Variants in NFASC observed in about 807,000 individuals in gnomAD.
NFASC encodes the protein neurofascin homolog.
In NFASC, 43 loss-of-function variants were observed where a neutral mutation model predicts 147.5. That is an observed-to-expected ratio of 0.29 (90% CI 0.23 to 0.38). The LOEUF (loss-of-function observed/expected upper bound fraction) is 0.38. NFASC is among the 10% of genes least tolerant of loss of function. NFASC has a pLI of 1.00. For missense variants in NFASC, 1,320 were observed against 1,689.0 expected, an observed-to-expected ratio of 0.78 and a Z score of 3.83; for synonymous variants, 622 against 665.5, an observed-to-expected ratio of 0.93 and a Z score of 1.01.
chr1:204,887,091 C>T (rs558662450), intron 1 of NFASC, among the ~76,000 whole-genome samples: 1 of 152,220 alleles, frequency 6.6e-6, no homozygotes, highest in South Asian at 2.1e-4. Flanking sequence ...TGCCGCCATC[C>T]ATCTCCAGAA....
At chr1:204,941,779 A>G (rs533214294) in intron 2 of NFASC, among the ~76,000 whole-genome samples, 1 of 151,844 alleles carries the variant, frequency 6.6e-6, no homozygotes, top group East Asian at 1.9e-4. Flanking sequence ...GAGATTTTCT[A>G]CTCTCTTAAC....
In NFASC at chr1:204,975,187, G is replaced by A. The variant is rs549609637; in HGVS notation, c.1559-84G>A. 2.2e-5 allele frequency: 32 copies of A among 1,487,754 alleles called. No individual in the cohort carries two copies. In the African/African-American group the frequency reaches 4.5e-4, roughly 21 times the overall value. The allele number at this position is 1,487,754 out of a possible 1,614,324, so 92.2% of individuals were successfully genotyped here. On this transcript the variant is annotated intron_variant, in intron 14 of 29. Coordinates refer to ENST00000339876, the MANE Select transcript of NFASC (RefSeq NM_001005388.3). The surrounding 1 kb of genome is among the most constrained non-coding windows in gnomAD (Gnocchi z 4.0). ...CTCCATAGTTGGCCCAAGGCCTCGA[G>A]GGCAGACATATGCCACTTTGTGGCC...
At chr1:204,919,714 T>G (rs140557545) in intron 1 of NFASC, among the ~76,000 whole-genome samples, 1 of 151,998 alleles carries the variant, frequency 6.6e-6, no homozygotes, top group Non-Finnish European at 1.5e-5. Context: ...CTATAACCTC[T>G]GCCTCCCGGG....
At position 204,936,198 on chromosome 1, in the gene NFASC, C is replaced by CTTTTTTTTT. The variant is rs749844237; in HGVS notation, c.-90-8023_-90-8022insTTTTTTTTT. Among the ~76,000 whole-genome samples, 88 of 71,878 alleles carry CTTTTTTTTT rather than the reference C, an allele frequency of 1.2e-3. 3 individuals are homozygous for CTTTTTTTTT. The highest frequency in any genetic ancestry group is 1.6e-3 in the Non-Finnish European group (66 of 41,800). 47.2% of individuals were successfully genotyped at this position (71,878 alleles called of 152,430 possible). A position where few individuals can be genotyped will look rare whatever the true frequency, so the allele number is the denominator to read the frequency against. On this transcript the variant is annotated intron_variant, in intron 2 of 29. Coordinates refer to ENST00000339876, the MANE Select transcript of NFASC (RefSeq NM_001005388.3). Reference sequence around the variant, plus strand: ...TAACAGATTCCCTCTCTCTCTCTTTCTTTTTCTTTTTTTTTTTTTTTGAGA... The same window carrying CTTTTTTTTT: ...TAACAGATTCCCTCTCTCTCTCTTTCTTTTTTTTTTTTTTCTTTTTTTTTTTTTTTGAGA...
At chr1:204,878,190 A>T in intron 1 of NFASC, among the ~76,000 whole-genome samples, 1 of 152,238 alleles carries the variant, frequency 6.6e-6, no homozygotes, top group Non-Finnish European at 1.5e-5. Flanking sequence ...GTGTCAGCAC[A>T]GCACTAAAAA....
intron 1 of NFASC, among the ~76,000 whole-genome samples, chr1:204,906,790 C>T (rs1172628389): frequency 6.6e-6 from 1 of 151,776 alleles, no homozygotes. Context: ...TCATGCCATT[C>T]TCCTGCCTCA....
intron 16 of NFASC, chr1:204,977,067 G>T: frequency 1.6e-6 from 2 of 1,234,086 alleles, no homozygotes; most frequent in South Asian, 7.3e-5. Flanking sequence ...GTGGAGAGGG[G>T]TTTCTCGTTG....
At chr1:204,919,375 T>C (rs986565357) in intron 1 of NFASC, among the ~76,000 whole-genome samples, 2 of 152,230 alleles carry the variant, frequency 1.3e-5, no homozygotes, top group Non-Finnish European at 2.9e-5. Context: ...TATTGTCTTT[T>C]TTAAAAATAC....
chr1:204,877,033 ATATTTATATATATATAATATATTTAT>A (rs1558549266), intron 1 of NFASC, among the ~76,000 whole-genome samples: 1 of 95,830 alleles, frequency 1.0e-5, no homozygotes, highest in African/African-American at 6.6e-5. Context: ...TATATAATAT[ATATTTATATATATATAATATATTTAT>A]TTATATATTT....
chr1:204,947,275 G>A (rs2093809620), intron 3 of NFASC: 1 of 182,058 alleles, frequency 5.5e-6, no homozygotes, highest in Non-Finnish European at 1.2e-5. Context: ...GCCCTGGGAA[G>A]AGGCTGTCCT....
chr1:204,963,113 G>A (rs971196481), intron 8 of NFASC, among the ~76,000 whole-genome samples: 3 of 152,124 alleles, frequency 2.0e-5, no homozygotes, highest in Non-Finnish European at 2.9e-5. Context: ...ACTGTGATGT[G>A]CTAATACAAA....
In NFASC at chr1:205,015,745, TAGCTC is replaced by T. The variant is rs1205911092; in HGVS notation, c.3492-559_3492-555del. Among the ~76,000 whole-genome samples, 2 of 151,962 alleles carry T rather than the reference TAGCTC, an allele frequency of 1.3e-5. No homozygotes were observed. The highest frequency in any genetic ancestry group is 4.8e-5 in the African/African-American group (2 of 41,362). Reference sequence around the variant, plus strand: ...AACATCTTTTTATAGATCAACCAGATAGCTCAGCGAAAGACACCAAGACAGACAAG... The same window carrying T: ...AACATCTTTTTATAGATCAACCAGATAGCGAAAGACACCAAGACAGACAAG... On this transcript the variant is annotated intron_variant, in intron 29 of 29. Coordinates refer to ENST00000339876, the MANE Select transcript of NFASC (RefSeq NM_001005388.3). The surrounding 1 kb of genome is among the most constrained non-coding windows in gnomAD (Gnocchi z 4.0).
intron 25 of NFASC, chr1:205,000,826 CAA>C (rs34292816): frequency 0.23 from 64,142 of 275,808 alleles, 5,131 homozygotes; most frequent in Non-Finnish European, 0.26. Flanking sequence ...TACTCCATCT[CAA>C]AAAAAAAAAA....
chr1:204,976,639 C>T (rs371767541), intron 15 of NFASC, 32 bp from the exon 16 acceptor site: 2 of 1,560,106 alleles, frequency 1.3e-6, no homozygotes, highest in East Asian at 2.2e-5. Context: ...CCCCTACCCC[C>T]TCCTCCCAAC....
chr1:204,909,763 T>A (rs78110113), intron 1 of NFASC, among the ~76,000 whole-genome samples: 1,841 of 152,262 alleles, frequency 0.012, 35 homozygotes, highest in African/African-American at 0.039. Context: ...AGGTTAAGAT[T>A]CCTTTTTTCT....
In NFASC at chr1:205,002,622, G is replaced by C; in HGVS notation, c.3163G>C (p.Val1055Leu). Residue 1055 changes from valine (V) to leucine (L), a missense_variant, in exon 27 of 30, where the codon GTT becomes CTT. Coordinates refer to ENST00000339876, the MANE Select transcript of NFASC (RefSeq NM_001005388.3). Reference protein sequence around the residue: ...DSNHTKKTVPVKAQAQPIQLT... With the variant: ...DSNHTKKTVPLKAQAQPIQLT... ...CAACCATACGAAAAAAACTGTCCCA[G>C]TTAAGGCCCAGGCTCAGCCTATACA... 2 of 1,541,750 alleles carry C rather than the reference G, an allele frequency of 1.3e-6. No individual in the cohort carries two copies. Among genetic ancestry groups the C allele is most frequent in the South Asian group, 2.4e-5 (2 of 83,736 alleles).
Position 204,943,497 on chromosome 1 carries a change from C to G in NFASC, c.-90-729C>G, listed in dbSNP as rs528443714. ...CTTCCTGGTCATTGTCTCACCACTG[C>G]CGTTATCTATAAAAGGACAATATCA... On this transcript the variant is annotated intron_variant, in intron 2 of 29. Coordinates refer to ENST00000339876, the MANE Select transcript of NFASC (RefSeq NM_001005388.3). 3.9e-5 allele frequency among the ~76,000 whole-genome samples: 6 copies of G among 152,312 alleles called. 1 individual carries two copies. In the South Asian group the frequency reaches 1.2e-3, roughly 32 times the overall value.
chr1:204,981,949 G>C lies in NFASC; in HGVS notation c.2399G>C (p.Arg800Pro), dbSNP rs778145558. The change falls in exon 21 of 30, where the codon CGA becomes CCA. Residue 800 changes from arginine to proline, a missense_variant. By Grantham distance (103) the Arg-to-Pro change is moderately radical. This residue lies in a region of NFASC where 981 missense variants were observed against 1,289.5 expected (regional missense o/e 0.76). Transcript: ENST00000339876. ...QTPVYVPYEIRVQAENDFGKG... is the reference protein window; with the variant it reads ...QTPVYVPYEIPVQAENDFGKG... ...CCAGTCTACGTGCCCTATGAGATCC[G>C]AGTCCAGGCTGAAAATGACTTCGGG... The C allele has an allele frequency of 6.2e-7, 1 of 1,607,886 alleles. No homozygotes were observed. The highest frequency in any genetic ancestry group is 1.3e-5 in the African/African-American group (1 of 74,648).
At chr1:204,952,467 C>T (rs146298366) in intron 5 of NFASC, among the ~76,000 whole-genome samples, 1 of 152,298 alleles carries the variant, frequency 6.6e-6, no homozygotes, top group African/African-American at 2.4e-5. Flanking sequence ...TCATTCTGAG[C>T]TTGCCTCTAC....
Sources: gnomAD v4.1 joint callset for allele counts (sites outside exome capture counted in the v4.1 genomes callset) on GRCh38, gnomAD v4.1.1 for gene constraint, gnomAD v4.1.1 regional missense constraint, Gnocchi (gnomAD v3.1) non-coding constraint, MANE v1.5 for transcripts, NCBI Gene and HGNC (gene_info 2026-07-23, HGNC 2026-07-21) for gene names.